Variants in SH3GL2 observed in about 807,000 individuals in gnomAD.
SH3GL2 encodes the protein endophilin-A1.
A neutral mutation model predicts 46.0 loss-of-function variants in SH3GL2; 24 were observed. The observed-to-expected ratio is 0.52, with a 90% CI of 0.38 to 0.73. The LOEUF is 0.73. Among genes scored for constraint, SH3GL2 ranks in the 30% least tolerant of loss-of-function variants. The pLI is 0.00. For missense variants in SH3GL2, 413 were observed against 424.2 expected, an observed-to-expected ratio of 0.97 and a Z score of 0.23; for synonymous variants, 196 against 147.1, an observed-to-expected ratio of 1.33 and a Z score of -2.40.
At chr9:17,735,766 T>C in intron 1 of SH3GL2, 1 of 980,568 alleles carries the variant, frequency 1.0e-6, no homozygotes, top group Non-Finnish European at 1.2e-6. Context: ...GGCAGCTCTT[T>C]CCACACATGG....
chr9:17,682,855 T>C (rs568705608), intron 1 of SH3GL2, among the ~76,000 whole-genome samples: 1 of 152,270 alleles, frequency 6.6e-6, no homozygotes, highest in South Asian at 2.1e-4. Context: ...TGTATTTGTG[T>C]ATTTCAAACT....
chr9:17,736,566 G>C (rs1260483125), intron 1 of SH3GL2, among the ~76,000 whole-genome samples: 1 of 152,106 alleles, frequency 6.6e-6, no homozygotes, highest in Non-Finnish European at 1.5e-5. Flanking sequence ...CTTTGGCTTA[G>C]GAAGGAAGAA....
At chr9:17,792,047 C>T (rs1824144991) in intron 7 of SH3GL2, among the ~76,000 whole-genome samples, 2 of 152,170 alleles carry the variant, frequency 1.3e-5, no homozygotes, top group Admixed American at 6.5e-5. Context: ...TTTTGCTGAA[C>T]ATGTATACCT....
At chr9:17,624,454 A>C (rs1229850091) in intron 1 of SH3GL2, among the ~76,000 whole-genome samples, 3 of 152,108 alleles carry the variant, frequency 2.0e-5, no homozygotes. Flanking sequence ...ATGATTTTCC[A>C]TCTCCATGCT....
chr9:17,609,152 C>A (rs1420891005), intron 1 of SH3GL2, among the ~76,000 whole-genome samples: 1 of 152,098 alleles, frequency 6.6e-6, no homozygotes. Context: ...ATTCTCACAG[C>A]CCGATAAAGT....
At chr9:17,756,376 G>A (rs1822988997) in intron 2 of SH3GL2, among the ~76,000 whole-genome samples, 1 of 151,514 alleles carries the variant, frequency 6.6e-6, no homozygotes, top group South Asian at 2.1e-4. Context: ...TGCACAGCTT[G>A]CAGGTTTGTT....
At chr9:17,650,427 A>T (rs1482673938) in intron 1 of SH3GL2, among the ~76,000 whole-genome samples, 1 of 152,168 alleles carries the variant, frequency 6.6e-6, no homozygotes, top group Non-Finnish European at 1.5e-5. Flanking sequence ...GCTGGAGTGC[A>T]GTGGCGCAAT....
At chr9:17,775,647 T>G (rs1333329380) in intron 3 of SH3GL2, among the ~76,000 whole-genome samples, 1 of 152,314 alleles carries the variant, frequency 6.6e-6, no homozygotes, top group East Asian at 1.9e-4. Context: ...TCTGCTCCTT[T>G]GGGTAATGAG....
intron 1 of SH3GL2, among the ~76,000 whole-genome samples, chr9:17,694,926 G>A (rs961047330): frequency 5.3e-5 from 8 of 152,042 alleles, no homozygotes; most frequent in Admixed American, 2.0e-4. Context: ...GCACACTTAG[G>A]TGATACCTTG....
intron 1 of SH3GL2, among the ~76,000 whole-genome samples, chr9:17,672,261 T>C (rs1443392235): frequency 6.6e-6 from 1 of 152,186 alleles, no homozygotes; most frequent in Non-Finnish European, 1.5e-5. Context: ...AGGAAAATTT[T>C]AGAAATCTTG....
chr9:17,783,895 G>C (rs958241572), intron 3 of SH3GL2, among the ~76,000 whole-genome samples: 1 of 152,044 alleles, frequency 6.6e-6, no homozygotes, highest in African/African-American at 2.4e-5. Flanking sequence ...GTATATAATA[G>C]GAATTTGAGT....
At chr9:17,714,396 T>G (rs1342252225) in intron 1 of SH3GL2, among the ~76,000 whole-genome samples, 1 of 151,818 alleles carries the variant, frequency 6.6e-6, no homozygotes, top group Non-Finnish European at 1.5e-5. Context: ...ACCAGTCATC[T>G]TGTTATTTGC....
At chr9:17,730,989 G>C (rs1283057809) in intron 1 of SH3GL2, among the ~76,000 whole-genome samples, 2 of 152,102 alleles carry the variant, frequency 1.3e-5, no homozygotes, top group African/African-American at 2.4e-5. Flanking sequence ...TTTGGGACTT[G>C]AGGCATGCAA....
chr9:17,783,274 T>C (rs1371575078), intron 3 of SH3GL2, among the ~76,000 whole-genome samples: 1 of 151,958 alleles, frequency 6.6e-6, no homozygotes, highest in African/African-American at 2.4e-5. Flanking sequence ...CTCTGCTGTT[T>C]TCCATGGAAA....
At chr9:17,598,577 G>A (rs1818615461) in intron 1 of SH3GL2, among the ~76,000 whole-genome samples, 1 of 152,160 alleles carries the variant, frequency 6.6e-6, no homozygotes, top group Non-Finnish European at 1.5e-5. Context: ...TGTCATCTGG[G>A]AGCTAGTCCA....
At chr9:17,766,582 A>G (rs1301344787) in intron 3 of SH3GL2, among the ~76,000 whole-genome samples, 1 of 152,246 alleles carries the variant, frequency 6.6e-6, no homozygotes, top group Non-Finnish European at 1.5e-5. Flanking sequence ...TATACAAGTA[A>G]AGAGAAAGAT....
intron 1 of SH3GL2, chr9:17,653,736 A>G (rs1820006845): frequency 5.4e-6 from 1 of 186,524 alleles, no homozygotes; most frequent in Non-Finnish European, 1.0e-5. Flanking sequence ...TATTGCTCAG[A>G]GGAACTTAAC....
rs564491352 is a variant in SH3GL2, at chr9:17,702,821, GATT to G, written c.46-44243_46-44241del. Among the ~76,000 whole-genome samples the G allele has an allele frequency of 1.6e-3, 237 of 152,056 alleles. 3 individuals are homozygous for G. Among genetic ancestry groups the G allele is most frequent in the African/African-American group, 4.8e-3 (201 of 41,496 alleles). On this transcript the variant is annotated intron_variant, in intron 1 of 8. Coordinates refer to ENST00000380607, the MANE Select transcript of SH3GL2 (RefSeq NM_003026.5). The stretch of plus-strand genomic sequence containing the variant: ...ATTTCAGAAATGGTTTTTTTAAAGA[GATT>G]AATATACTGCAGAAATTTCTATTAA...
In SH3GL2 at chr9:17,666,648, A is replaced by G. The variant is rs139074294; in HGVS notation, c.46-80418A>G. 7.2e-5 allele frequency among the ~76,000 whole-genome samples: 11 copies of G among 151,774 alleles called. No individual in the cohort carries two copies. The East Asian group carries it at 2.1e-3, about 29-fold the overall frequency. On this transcript the variant is annotated intron_variant, in intron 1 of 8. Transcript: ENST00000380607. ...TCTCATTCATCCTAACAGCTTATTC[A>G]GCCAGTTTTCTAAATATTGGCATTT...
Sources: gnomAD v4.1 joint callset for allele counts (sites outside exome capture counted in the v4.1 genomes callset) on GRCh38, gnomAD v4.1.1 for gene constraint, MANE v1.5 for transcripts, NCBI Gene and HGNC (gene_info 2026-07-23, HGNC 2026-07-21) for gene names.